The following CALN1 variants were observed in gnomAD, a reference collection of about 807,000 sequenced individuals.
The protein encoded by CALN1 is calneuron 1.
Under a neutral mutation model 30.6 loss-of-function variants are expected in CALN1, and 17 were observed. The ratio of observed to expected loss-of-function variants is 0.56; its 90% CI spans 0.38 to 0.83. The LOEUF is 0.83. Among genes scored for constraint, CALN1 ranks in the 40% least tolerant of loss-of-function variants. The pLI, the probability that CALN1 is intolerant of heterozygous loss-of-function variation, is 0.00. For missense variants in CALN1, 291 were observed against 354.9 expected, an observed-to-expected ratio of 0.82 and a Z score of 1.45; for synonymous variants, 156 against 131.4, an observed-to-expected ratio of 1.19 and a Z score of -1.28.
intron 5 of CALN1, among the ~76,000 whole-genome samples, chr7:72,002,500 G>GA (rs573986811): frequency 1.3e-3 from 197 of 152,190 alleles, no homozygotes; most frequent in African/African-American, 4.5e-3. Context: ...TTGAAAAATT[G>GA]TAAGTTGAAC....
chr7:72,146,463 A>G (rs1344524844), intron 3 of CALN1, among the ~76,000 whole-genome samples: 2 of 152,200 alleles, frequency 1.3e-5, no homozygotes, highest in Non-Finnish European at 2.9e-5. Flanking sequence ...CAACGAAATA[A>G]AAGAGGATAC....
intron 5 of CALN1, among the ~76,000 whole-genome samples, chr7:71,833,221 GGT>G (rs1398989475): frequency 6.6e-6 from 1 of 152,114 alleles, no homozygotes; most frequent in Admixed American, 6.6e-5. Context: ...CACTTGCAAC[GGT>G]GTGTGAGAAT....
chr7:72,402,846 T>C (rs1270641167), intron 2 of CALN1, among the ~76,000 whole-genome samples: 2 of 152,178 alleles, frequency 1.3e-5, no homozygotes, highest in Admixed American at 6.5e-5. Flanking sequence ...AAGCTGCCTG[T>C]TTGTGTTACT....
chr7:72,226,499 C>G (rs79928558), intron 3 of CALN1, among the ~76,000 whole-genome samples: 2,435 of 152,172 alleles, frequency 0.016, 35 homozygotes, highest in African/African-American at 0.032. Context: ...ATAAGATGAC[C>G]CAGCTTCAAC....
intron 3 of CALN1, among the ~76,000 whole-genome samples, chr7:72,208,000 A>C (rs916018165): frequency 6.6e-6 from 1 of 152,186 alleles, no homozygotes; most frequent in Non-Finnish European, 1.5e-5. Flanking sequence ...TTTCTTATCA[A>C]TGTATTGTTA....
chr7:72,229,516 A>G (rs11767481), intron 3 of CALN1, among the ~76,000 whole-genome samples: 28,023 of 151,892 alleles, frequency 0.18, 3,611 homozygotes, highest in East Asian at 0.43. Flanking sequence ...ACAATGGGAA[A>G]GACTTGGAAC....
At position 72,154,636 on chromosome 7, in the gene CALN1, A is replaced by T. The variant is rs188595946; in HGVS notation, c.245-48342T>A. Among the ~76,000 whole-genome samples, 10 of 152,186 alleles carry T rather than the reference A, an allele frequency of 6.6e-5. No homozygotes were observed. The East Asian group carries it at 1.9e-3, about 29-fold the overall frequency. On this transcript the variant is annotated intron_variant, in intron 3 of 6. Coordinates refer to ENST00000395275, the MANE Select transcript of CALN1 (RefSeq NM_031468.4). ...ACAGAGGGCCTCTGTGTCTCCCTCT[A>T]CTAAAACTCAGATGTTGAAGTCCTA...
intron 3 of CALN1, among the ~76,000 whole-genome samples, chr7:72,189,658 C>T (rs908334299): frequency 1.2e-4 from 18 of 151,902 alleles, no homozygotes; most frequent in Non-Finnish European, 1.5e-5. Flanking sequence ...ATCCCAGCTA[C>T]TCCGGAGGCT....
At chr7:71,895,869 C>T (rs1374678938) in intron 5 of CALN1, among the ~76,000 whole-genome samples, 1 of 152,166 alleles carries the variant, frequency 6.6e-6, no homozygotes, top group African/African-American at 2.4e-5. Context: ...GACTTTTACA[C>T]CAATCTAATG....
the CALN1 span, among the ~76,000 whole-genome samples, chr7:72,453,708 G>A: frequency 6.6e-6 from 1 of 152,126 alleles, no homozygotes; most frequent in Admixed American, 6.6e-5. Context: ...TTCCTGACCG[G>A]ACAAGAATTT....
At chr7:72,317,212 G>A (rs1477247454) in intron 2 of CALN1, among the ~76,000 whole-genome samples, 1 of 117,128 alleles carries the variant, frequency 8.5e-6, no homozygotes, top group East Asian at 3.0e-4. Context: ...AGGGAGGGAG[G>A]AAGAGAGAAA....
chr7:72,442,568 G>A lies in CALN1; in HGVS notation c.-226+4474C>T, dbSNP rs142157852. 2.5e-3 allele frequency among the ~76,000 whole-genome samples: 370 copies of A among 149,892 alleles called. 3 individuals are homozygous for A. The highest frequency in any genetic ancestry group is 8.6e-3 in the African/African-American group (352 of 40,748). On this transcript the variant is annotated intron_variant, in intron 1 of 6. Coordinates refer to the CALN1 transcript ENST00000395276. ...AGGATTGGACTTTATTAAGGGTTGCGCTTATTTAGGATTGGACTTTATTAA... is the reference window on the plus strand; with the variant it reads ...AGGATTGGACTTTATTAAGGGTTGCACTTATTTAGGATTGGACTTTATTAA...
intron 5 of CALN1, among the ~76,000 whole-genome samples, chr7:71,884,728 G>A (rs1460173024): frequency 6.6e-6 from 1 of 151,980 alleles, no homozygotes; most frequent in African/African-American, 2.4e-5. Context: ...ACCCGACTCT[G>A]GCATAATATT....
At chr7:71,829,409 A>T (rs1196745698) in intron 5 of CALN1, among the ~76,000 whole-genome samples, 1 of 152,248 alleles carries the variant, frequency 6.6e-6, no homozygotes, top group African/African-American at 2.4e-5. Flanking sequence ...AATTGATTAC[A>T]GACTTCTGAC....
In CALN1 at chr7:72,421,682, GT is replaced by G. The variant is rs776043389; in HGVS notation, c.-225-9408del. 4.1e-5 allele frequency among the ~76,000 whole-genome samples: 6 copies of G among 145,650 alleles called. No homozygotes were observed. The East Asian group carries it at 8.9e-4, about 22-fold the overall frequency. ...ACTCACTACAACCTCCGCCTCACAG[GT>G]TCAAGTGGTTCTCCCGCCTCAGCCT... is the stretch of plus-strand genomic sequence containing the variant. On this transcript the variant is annotated intron_variant, in intron 1 of 6. Transcript: ENST00000395276.
chr7:72,307,000 G>A (rs183168600), intron 2 of CALN1, among the ~76,000 whole-genome samples: 215 of 152,292 alleles, frequency 1.4e-3, no homozygotes, highest in Admixed American at 2.4e-3. Flanking sequence ...TTGGGGTTGG[G>A]GGACACAGTT....
chr7:72,385,795 C>T (rs1394712778), intron 2 of CALN1, among the ~76,000 whole-genome samples: 3 of 152,174 alleles, frequency 2.0e-5, no homozygotes, highest in Non-Finnish European at 4.4e-5. Flanking sequence ...TCTCCTGCTG[C>T]CATGTCAAGA....
intron 5 of CALN1, among the ~76,000 whole-genome samples, chr7:71,892,627 A>C (rs967731716): frequency 4.6e-5 from 7 of 152,138 alleles, no homozygotes; most frequent in African/African-American, 1.7e-4. Context: ...TTTCCCCCCA[A>C]AAAAAATCCA....
chr7:71,893,446 G>C lies in CALN1; in HGVS notation c.502-82954C>G, dbSNP rs1016765631. On this transcript the variant is annotated intron_variant, in intron 5 of 6. Transcript: ENST00000395275. ...TCATGCCTGTAATCCCAGCACTTTG[G>C]GGGGCCGAGGCAAGGTGAGCGGATC... 3.3e-5 allele frequency among the ~76,000 whole-genome samples: 5 copies of C among 152,194 alleles called. No homozygotes were observed. The East Asian group carries it at 5.8e-4, about 18-fold the overall frequency.
Sources: gnomAD v4.1 joint callset for allele counts (sites outside exome capture counted in the v4.1 genomes callset) on GRCh38, gnomAD v4.1.1 for gene constraint, MANE v1.5 for transcripts, NCBI Gene and HGNC (gene_info 2026-07-23, HGNC 2026-07-21) for gene names.